The following FLVCR1 variants were observed in gnomAD, a reference collection of about 807,000 sequenced individuals.
FLVCR1 encodes the protein FLVCR choline and heme transporter 1, also known as choline/ethanolamine transporter FLVCR1.
In FLVCR1, 34 loss-of-function variants were observed where a neutral mutation model predicts 53.6. That is an observed-to-expected ratio of 0.63 (90% CI 0.48 to 0.84). FLVCR1 has a LOEUF of 0.84. FLVCR1 is among the 40% of genes least tolerant of loss of function. The pLI is 0.00. For synonymous variants in FLVCR1, 300 were observed against 286.3 expected (o/e 1.05, Z -0.48); for missense variants, 677 against 696.7 (o/e 0.97, Z 0.32).
chr1:212,881,347 C>CT (rs35073414), intron 3 of FLVCR1, among the ~76,000 whole-genome samples: 36 of 116,426 alleles, frequency 3.1e-4, no homozygotes, highest in African/African-American at 7.0e-4. Flanking sequence ...TGTCGAATTT[C>CT]TTTTTTTTTG....
At position 212,858,359 on chromosome 1, in the gene FLVCR1, A is replaced by G. The variant is rs1188340101; in HGVS notation, c.-94A>G. ...AAGGAGCGGTGGGCCGAGGGGTTGG[A>G]GGTGGGGCCCCAGGAGGACCTCGGG... On this transcript the variant is annotated 5_prime_UTR_variant, in exon 1 of 10. Coordinates refer to ENST00000366971, the MANE Select transcript of FLVCR1 (RefSeq NM_014053.4). 2 of 1,205,618 alleles carry G rather than the reference A, an allele frequency of 1.7e-6. No individual in the cohort carries two copies. Among genetic ancestry groups the G allele is most frequent in the Non-Finnish European group, 2.2e-6 (2 of 901,358 alleles). The allele number at this position is 1,205,618 out of a possible 1,614,324, so 74.7% of individuals were successfully genotyped here.
At chr1:212,860,350 G>GTTTTTTTTTTTTTTTTGTTT (rs1664188662) in intron 1 of FLVCR1, among the ~76,000 whole-genome samples, 2 of 85,824 alleles carry the variant, frequency 2.3e-5, no homozygotes, top group African/African-American at 7.5e-5. Context: ...TGTGTGTGTG[G>GTTTTTTTTTTTTTTTTGTTT]TTTTTTTTTT....
At chr1:212,893,799 G>A (rs1665263568) in intron 8 of FLVCR1, among the ~76,000 whole-genome samples, 1 of 152,090 alleles carries the variant, frequency 6.6e-6, no homozygotes, top group Non-Finnish European at 1.5e-5. Flanking sequence ...TTTTGAGATG[G>A]AGTTTCGCTC....
At chr1:212,876,273 G>A (rs183681521) in intron 3 of FLVCR1, among the ~76,000 whole-genome samples, 3 of 152,174 alleles carry the variant, frequency 2.0e-5, no homozygotes, top group African/African-American at 4.8e-5. Flanking sequence ...ACTTATAAGT[G>A]AGAACATGTT....
Position 212,885,415 on chromosome 1 carries a change from A to AT in FLVCR1, c.1196+20dup. The AT allele has an allele frequency of 6.5e-7, 1 of 1,531,756 alleles. No homozygotes were observed. Among genetic ancestry groups the AT allele is most frequent in the Non-Finnish European group, 9.1e-7 (1 of 1,104,660 alleles). The allele number at this position is 1,531,756 out of a possible 1,614,324, so 94.9% of individuals were successfully genotyped here. On this transcript the variant is annotated intron_variant, in intron 5 of 9. Transcript: ENST00000366971. ...CATACAAGTAAGTGAAAGTAAATAC[A>AT]TGTATGGTGTATAACCAAAGGTATT...
At chr1:212,884,432 A>AC (rs1365493667) in intron 4 of FLVCR1, among the ~76,000 whole-genome samples, 11 of 152,172 alleles carry the variant, frequency 7.2e-5, no homozygotes, top group Non-Finnish European at 1.2e-4. Flanking sequence ...ACACACACAC[A>AC]ATATGGAAAG....
At chr1:212,887,853 C>A in intron 5 of FLVCR1, 38 bp from the exon 6 acceptor site, 2 of 1,086,212 alleles carry the variant, frequency 1.8e-6, no homozygotes, top group South Asian at 1.2e-5. Context: ...CTAGGAGAAT[C>A]AGACAAAATA....
rs969279368 is a variant in FLVCR1 at position 212,858,515 on chromosome 1, A to T, written c.63A>T (p.Gly21=). The change falls in exon 1 of 10, where the codon GGA becomes GGT. Residue 21 remains glycine, a synonymous_variant. Coordinates refer to ENST00000366971, the MANE Select transcript of FLVCR1 (RefSeq NM_014053.4). ...CGCCCGGACACCCGCTCGCGAAAGG[A>T]TACCTCCCGTTGCCGAGGGGCGCGC... is the stretch of plus-strand genomic sequence containing the variant. ...AVAPGHPLAK[G]YLPLPRGAPV... The T allele has an allele frequency of 4.1e-6, 6 of 1,457,838 alleles. No individual in the cohort carries two copies. The highest frequency in any genetic ancestry group is 5.4e-6 in the Non-Finnish European group (6 of 1,107,564). The allele number at this position is 1,457,838 out of a possible 1,614,324, so 90.3% of individuals were successfully genotyped here.
chr1:212,867,804 CT>C (rs34803914), intron 2 of FLVCR1, among the ~76,000 whole-genome samples: 73,891 of 122,780 alleles, frequency 0.6, 21,803 homozygotes, highest in East Asian at 0.93. Flanking sequence ...CATAATTTTA[CT>C]TTTTTTTTTT....
chr1:212,887,113 C>T (rs1665083899), intron 5 of FLVCR1, among the ~76,000 whole-genome samples: 1 of 152,190 alleles, frequency 6.6e-6, no homozygotes, highest in African/African-American at 2.4e-5. Context: ...AAAAGTATCT[C>T]TAATCTTGAA....
In FLVCR1 at chr1:212,882,830, C is replaced by T. The variant is rs1029425091; in HGVS notation, c.1025-541C>T. On this transcript the variant is annotated intron_variant, in intron 3 of 9. Transcript: ENST00000366971. ...AGTAGAATTGCTTGAACCCAGGAGA[C>T]GGAGGTTGTAGTGAGCTGAGATTGC... 3.3e-5 allele frequency among the ~76,000 whole-genome samples: 5 copies of T among 151,844 alleles called. No individual in the cohort carries two copies. The East Asian group carries it at 7.8e-4, about 24-fold the overall frequency.
rs1226053076 is a variant in FLVCR1 at position 212,897,409 on chromosome 1, C to A, written c.*2119C>A. 6.7e-6 allele frequency: 1 copy of A among 149,860 alleles called. No individual in the cohort carries two copies. Among genetic ancestry groups the A allele is most frequent in the Non-Finnish European group, 1.5e-5 (1 of 67,834 alleles). 9.3% of individuals were successfully genotyped at this position (149,860 alleles called of 1,614,324 possible). A position where few individuals can be genotyped will look rare whatever the true frequency, so the allele number is the denominator to read the frequency against. On this transcript the variant is annotated 3_prime_UTR_variant, in exon 10 of 10. Transcript: ENST00000366971. ...TGGTGGCACACGCCTGTAGTCCCAG[C>A]TTCTTGGGAAGCTGAGGCATGAGAA...
intron 1 of FLVCR1, among the ~76,000 whole-genome samples, chr1:212,860,545 G>A (rs1441493309): frequency 2.0e-5 from 3 of 151,624 alleles, no homozygotes; most frequent in African/African-American, 7.3e-5. Context: ...TAAATATTCA[G>A]TAGCATTTCT....
chr1:212,894,862 A>G, intron 8 of FLVCR1, 124 bp from the exon 9 acceptor site: 2 of 753,160 alleles, frequency 2.7e-6, no homozygotes, highest in Non-Finnish European at 4.9e-6. Flanking sequence ...GGCTGTTGGG[A>G]TGCTATTAAA....
intron 3 of FLVCR1, among the ~76,000 whole-genome samples, chr1:212,880,137 G>A (rs72743968): frequency 1.5e-4 from 23 of 152,282 alleles, no homozygotes; most frequent in East Asian, 3.9e-4. Context: ...CTAACCCAGC[G>A]TGGTCCACGT....
chr1:212,891,104 T>C (rs911699925), intron 8 of FLVCR1, among the ~76,000 whole-genome samples: 8 of 152,196 alleles, frequency 5.3e-5, no homozygotes, highest in Admixed American at 6.6e-5. Context: ...AAGTACTATA[T>C]CTTATCTAAG....
intron 8 of FLVCR1, among the ~76,000 whole-genome samples, chr1:212,889,494 T>C (rs749098300): frequency 6.6e-6 from 1 of 152,164 alleles, no homozygotes; most frequent in Non-Finnish European, 1.5e-5. Context: ...AGGCTGGGTG[T>C]GTTGGCTCAT....
At chr1:212,872,486 T>G (rs888527132) in intron 2 of FLVCR1, among the ~76,000 whole-genome samples, 192 bp from the exon 3 acceptor site, 1 of 152,198 alleles carries the variant, frequency 6.6e-6, no homozygotes, top group Non-Finnish European at 1.5e-5. Context: ...GAGATGACAG[T>G]GTTAAACTAT....
chr1:212,865,500 T>TTTTTTTTTTTTA (rs1664387641), intron 2 of FLVCR1, among the ~76,000 whole-genome samples: 5 of 140,028 alleles, frequency 3.6e-5, no homozygotes, highest in African/African-American at 5.2e-5. Flanking sequence ...TTTTTTTTTT[T>TTTTTTTTTTTTA]GAGACAGAGT....
Sources: gnomAD v4.1 joint callset for allele counts (sites outside exome capture counted in the v4.1 genomes callset) on GRCh38, gnomAD v4.1.1 for gene constraint, MANE v1.5 for transcripts, NCBI Gene and HGNC (gene_info 2026-07-23, HGNC 2026-07-21) for gene names.